LRCH1: variants seen among roughly 807,000 people sequenced by gnomAD.
LRCH1 encodes leucine-rich repeat and calponin homology domain-containing protein 1.
A neutral mutation model predicts 94.9 loss-of-function variants in LRCH1; 23 were observed. That is an observed-to-expected ratio of 0.24 (90% CI 0.17 to 0.34). The LOEUF is 0.34. LRCH1 is among the 10% of genes least tolerant of loss of function. The pLI is 1.00. For synonymous variants in LRCH1, 364 were observed against 354.9 expected (o/e 1.03, Z -0.29); for missense variants, 790 against 945.9 (o/e 0.84, Z 2.16).
At chr13:46,636,740 C>T (rs1012612807) in intron 1 of LRCH1, among the ~76,000 whole-genome samples, 2 of 152,164 alleles carry the variant, frequency 1.3e-5, no homozygotes, top group Non-Finnish European at 2.9e-5. Context: ...TGGAGCACTC[C>T]CTCCTCTTTG....
intron 1 of LRCH1, among the ~76,000 whole-genome samples, chr13:46,599,572 C>G (rs2050603410): frequency 6.6e-6 from 1 of 152,094 alleles, no homozygotes; most frequent in Admixed American, 6.5e-5. Context: ...TGTTGAAGAA[C>G]TATTACAATG....
Position 46,742,837 on chromosome 13 carries a change from C to G in LRCH1, c.*989C>G. The G allele has an allele frequency of 1.0e-6, 1 of 985,366 alleles. No individual in the cohort carries two copies. Among genetic ancestry groups the G allele is most frequent in the Non-Finnish European group, 1.2e-6 (1 of 829,904 alleles). 61.0% of individuals were successfully genotyped at this position (985,366 alleles called of 1,614,324 possible). On this transcript the variant is annotated 3_prime_UTR_variant, in exon 20 of 20. Coordinates refer to ENST00000389797, the MANE Select transcript of LRCH1 (RefSeq NM_001164211.2). ...CAGGAGTCAAGAAGAAGATTACTTT[C>G]ATTCTAGAAGAATGTAGTTTCTCTA...
At position 46,553,237 on chromosome 13, in the gene LRCH1, C is replaced by CCCCCCCCAAAAAA; in HGVS notation, c.-155_-154insCCAAAAAACCCCC. 2 of 561,114 alleles carry CCCCCCCCAAAAAA rather than the reference C, an allele frequency of 3.6e-6. No individual in the cohort carries two copies. Among genetic ancestry groups the CCCCCCCCAAAAAA allele is most frequent in the Non-Finnish European group, 6.3e-6 (2 of 319,102 alleles). 34.8% of individuals were successfully genotyped at this position (561,114 alleles called of 1,614,324 possible). A position where few individuals can be genotyped will look rare whatever the true frequency, so the allele number is the denominator to read the frequency against. ...GCTGCCACGGCCGCCTCCCCGCCCG[C>CCCCCCCCAAAAAA]CCCCCATTCTACGCGCCTGCCCACA... On this transcript the variant is annotated 5_prime_UTR_variant, in exon 1 of 20. Transcript: ENST00000389797.
intron 2 of LRCH1, among the ~76,000 whole-genome samples, chr13:46,668,700 C>T (rs2051554216): frequency 9.6e-6 from 1 of 104,542 alleles, no homozygotes. Context: ...CCTGGCTGGC[C>T]GAGGGCTCAG....
chr13:46,555,977 G>A (rs190474618), intron 1 of LRCH1, among the ~76,000 whole-genome samples: 29 of 152,288 alleles, frequency 1.9e-4, no homozygotes, highest in African/African-American at 4.1e-4. Context: ...TTGACACAGC[G>A]TACATGTAAG....
rs9595499 is a variant in LRCH1, at chr13:46,607,650, T to C, written c.308-42551T>C. 8.4e-3 allele frequency among the ~76,000 whole-genome samples: 1,275 copies of C among 151,456 alleles called. 18 individuals carry two copies. Among genetic ancestry groups the C allele is most frequent in the African/African-American group, 0.027 (1,121 of 41,384 alleles). The stretch of plus-strand genomic sequence containing the variant: ...CTTCCTCCTCTTCCTTCTTCTTCTT[T>C]TTTTTTTTTTAATATGAGACACAGT... On this transcript the variant is annotated intron_variant, in intron 1 of 19. Coordinates refer to ENST00000389797, the MANE Select transcript of LRCH1 (RefSeq NM_001164211.2).
intron 1 of LRCH1, among the ~76,000 whole-genome samples, chr13:46,643,803 G>A (rs1270140434): frequency 6.6e-6 from 1 of 152,174 alleles, no homozygotes; most frequent in African/African-American, 2.4e-5. Context: ...AAAATAGAGT[G>A]TTTATGTAAG....
intron 1 of LRCH1, among the ~76,000 whole-genome samples, chr13:46,582,392 T>TTTC (rs1475220601): frequency 1.7e-4 from 25 of 145,868 alleles, no homozygotes; most frequent in Non-Finnish European, 3.5e-4. Context: ...TTTTTTTTTT[T>TTTC]GGTCATTTCA....
At chr13:46,557,975 C>T (rs2050084671) in intron 1 of LRCH1, among the ~76,000 whole-genome samples, 2 of 152,148 alleles carry the variant, frequency 1.3e-5, no homozygotes, top group Admixed American at 1.3e-4. Flanking sequence ...GTTGAGGCTG[C>T]AGTGAAAGCC....
At chr13:46,609,532 AGG>A (rs2050724348) in intron 1 of LRCH1, among the ~76,000 whole-genome samples, 2 of 152,224 alleles carry the variant, frequency 1.3e-5, no homozygotes, top group Admixed American at 1.3e-4. Flanking sequence ...CTTTATTTAA[AGG>A]AAGGTCTCAT....
rs111535407 is a variant in LRCH1 at position 46,696,793 on chromosome 13, G to A, written c.1245+1776G>A. On this transcript the variant is annotated intron_variant, in intron 9 of 19. Transcript: ENST00000389797. ...AAGTCTTTCAACCTGTGCTTGGCCT[G>A]GCGGAGTGAATCACACCTGTAATCC... Among the ~76,000 whole-genome samples the A allele has an allele frequency of 9.7e-4, 148 of 152,330 alleles. 1 individual carries two copies. The highest frequency in any genetic ancestry group is 3.3e-3 in the African/African-American group (138 of 41,570).
chr13:46,610,796 G>A (rs953260193), intron 1 of LRCH1, among the ~76,000 whole-genome samples: 15 of 152,168 alleles, frequency 9.9e-5, no homozygotes, highest in African/African-American at 3.6e-4. Context: ...CTATAAACAT[G>A]CGATAACACA....
chr13:46,555,247 A>C (rs905690482), intron 1 of LRCH1, among the ~76,000 whole-genome samples: 1 of 152,214 alleles, frequency 6.6e-6, no homozygotes, highest in Non-Finnish European at 1.5e-5. Flanking sequence ...ACTGACTTAA[A>C]AAACTACATT....
chr13:46,705,257 T>C lies in LRCH1; in HGVS notation c.1491-11T>C. On this transcript the variant is annotated splice_polypyrimidine_tract_variant and intron_variant, in intron 12 of 19. Coordinates refer to ENST00000389797, the MANE Select transcript of LRCH1 (RefSeq NM_001164211.2). ...CTTTGTATCTTTTTTTTTCTTTCCT[T>C]GTTCTCACAGTGGTCAAATACAGCT... 2 of 1,609,000 alleles carry C rather than the reference T, an allele frequency of 1.2e-6. No homozygotes were observed. The highest frequency in any genetic ancestry group is 4.5e-5 in the East Asian group (2 of 44,856).
At chr13:46,735,288 C>T (rs1260345130) in intron 19 of LRCH1, among the ~76,000 whole-genome samples, 2 of 152,188 alleles carry the variant, frequency 1.3e-5, no homozygotes, top group African/African-American at 4.8e-5. Context: ...AACGCACTTA[C>T]ATACCTTTTC....
At chr13:46,701,301 C>T (rs989011934) in intron 11 of LRCH1, 94 bp downstream of exon 11, 37 of 846,696 alleles carry the variant, frequency 4.4e-5, no homozygotes, top group Admixed American at 1.2e-4. Context: ...CCTACACAGA[C>T]GATTTTGGCC....
chr13:46,622,902 A>G (rs901063644), intron 1 of LRCH1, among the ~76,000 whole-genome samples: 2 of 152,336 alleles, frequency 1.3e-5, no homozygotes, highest in Admixed American at 6.5e-5. Flanking sequence ...TAATTTCAGT[A>G]GAGCAGCTTT....
chr13:46,693,586 G>T (rs1194078436), intron 8 of LRCH1, among the ~76,000 whole-genome samples: 2 of 152,162 alleles, frequency 1.3e-5, no homozygotes, highest in Non-Finnish European at 2.9e-5. Flanking sequence ...TCCCTCACCT[G>T]TACATGAGAT....
chr13:46,594,861 T>C (rs1238613802), intron 1 of LRCH1, among the ~76,000 whole-genome samples: 1 of 152,194 alleles, frequency 6.6e-6, no homozygotes, highest in Non-Finnish European at 1.5e-5. Flanking sequence ...ATGTGAAGAC[T>C]GTAATAAGAT....
Sources: allele counts gnomAD v4.1 joint callset (sites outside exome capture counted in the v4.1 genomes callset), GRCh38; gene constraint gnomAD v4.1.1; transcripts MANE v1.5; gene names NCBI Gene and HGNC (gene_info 2026-07-23, HGNC 2026-07-21).